Variants in SLC9A9 observed in about 807,000 individuals in gnomAD.
The protein encoded by SLC9A9 is sodium/hydrogen exchanger 9.
Under a neutral mutation model 77.8 loss-of-function variants are expected in SLC9A9, and 62 were observed. That is an observed-to-expected ratio of 0.80 (90% CI 0.65 to 0.98). SLC9A9 has a LOEUF of 0.98. Among genes scored for constraint, SLC9A9 ranks in the 50% least tolerant of loss-of-function variants. The pLI is 0.00. For synonymous variants in SLC9A9, 320 were observed against 283.5 expected, an observed-to-expected ratio of 1.13 and a Z score of -1.29; for missense variants, 775 against 774.9, an observed-to-expected ratio of 1.00 and a Z score of 0.00.
intron 9 of SLC9A9, among the ~76,000 whole-genome samples, chr3:143,543,426 G>T (rs567504158): frequency 1.3e-5 from 2 of 150,804 alleles, no homozygotes; most frequent in African/African-American, 2.4e-5. Context: ...AGGACTACAC[G>T]TGTACTTTTG....
intron 12 of SLC9A9, among the ~76,000 whole-genome samples, chr3:143,416,807 GTA>G (rs768278753): frequency 1.8e-4 from 28 of 152,198 alleles, no homozygotes; most frequent in Admixed American, 6.5e-4. Context: ...GTGTATATCT[GTA>G]TATATGTGTA....
intron 9 of SLC9A9, among the ~76,000 whole-genome samples, chr3:143,530,293 T>G (rs2036481928): frequency 6.6e-6 from 1 of 152,166 alleles, no homozygotes; most frequent in South Asian, 2.1e-4. Context: ...CGGTGAGAGA[T>G]AATTGAATCA....
intron 6 of SLC9A9, among the ~76,000 whole-genome samples, chr3:143,628,514 G>A (rs1035762313): frequency 2.0e-5 from 3 of 152,050 alleles, no homozygotes; most frequent in African/African-American, 4.8e-5. Context: ...AATGAGTGTC[G>A]CTAAACACTC....
chr3:143,328,452 G>A (rs2031667121), intron 14 of SLC9A9, among the ~76,000 whole-genome samples: 1 of 152,206 alleles, frequency 6.6e-6, no homozygotes, highest in Admixed American at 6.5e-5. Flanking sequence ...ACCATAAAGA[G>A]GCATGTAAAC....
At chr3:143,547,162 C>T (rs758109526) in intron 9 of SLC9A9, among the ~76,000 whole-genome samples, 3 of 152,192 alleles carry the variant, frequency 2.0e-5, no homozygotes, top group Non-Finnish European at 4.4e-5. Flanking sequence ...GATTTCTTAA[C>T]ATTGGAGTAC....
At chr3:143,518,264 AG>A in intron 9 of SLC9A9, 1 of 1,513,952 alleles carries the variant, frequency 6.6e-7, no homozygotes, top group Non-Finnish European at 9.1e-7. Flanking sequence ...CAGGGGCTGC[AG>A]CCCGGTTCCA....
At chr3:143,523,029 T>G (rs12489418) in intron 9 of SLC9A9, among the ~76,000 whole-genome samples, 19,637 of 152,042 alleles carry the variant, frequency 0.13, 1,556 homozygotes, top group South Asian at 0.32. Flanking sequence ...TATTTTCATA[T>G]GGGGACTATA....
chr3:143,298,485 G>A (rs1486712445), intron 14 of SLC9A9, among the ~76,000 whole-genome samples: 2 of 152,192 alleles, frequency 1.3e-5, no homozygotes, highest in African/African-American at 4.8e-5. Context: ...TCTGAGGTGT[G>A]GCAAATACAT....
intron 1 of SLC9A9, among the ~76,000 whole-genome samples, chr3:143,846,483 T>C (rs1469820867): frequency 2.0e-5 from 3 of 152,192 alleles, no homozygotes; most frequent in Admixed American, 1.3e-4. Context: ...TCCCCTCCTT[T>C]TTGTTTGGCT....
At chr3:143,774,737 A>G (rs2007636638) in intron 4 of SLC9A9, among the ~76,000 whole-genome samples, 1 of 152,174 alleles carries the variant, frequency 6.6e-6, no homozygotes, top group African/African-American at 2.4e-5. Flanking sequence ...AAAAAGTTTT[A>G]TATTATACAT....
intron 1 of SLC9A9, among the ~76,000 whole-genome samples, chr3:143,842,102 C>T (rs927846745): frequency 3.3e-5 from 5 of 150,416 alleles, no homozygotes; most frequent in Non-Finnish European, 5.9e-5. Flanking sequence ...GAGTGCAGGC[C>T]GGGCGCGGTG....
At chr3:143,525,324 T>C (rs148156742) in intron 9 of SLC9A9, among the ~76,000 whole-genome samples, 1 of 152,342 alleles carries the variant, frequency 6.6e-6, no homozygotes, top group Non-Finnish European at 1.5e-5. Context: ...ATTGATTATA[T>C]GCCAAATGAT....
chr3:143,527,782 C>G lies in SLC9A9; in HGVS notation c.1089+24580G>C, dbSNP rs554500276. On this transcript the variant is annotated intron_variant, in intron 9 of 15. Transcript: ENST00000316549. ...CCCTCAGTGCCTCAGCAGTGGGGCACAACCAAAGGGCTATGAGGACCACAG... is the reference window on the plus strand; with the variant it reads ...CCCTCAGTGCCTCAGCAGTGGGGCAGAACCAAAGGGCTATGAGGACCACAG... Among the ~76,000 whole-genome samples the G allele has an allele frequency of 1.4e-4, 22 of 152,248 alleles. 1 individual carries two copies. Among genetic ancestry groups the G allele is most frequent in the African/African-American group, 5.1e-4 (21 of 41,538 alleles).
intron 4 of SLC9A9, among the ~76,000 whole-genome samples, chr3:143,789,171 A>G (rs925470822): frequency 1.3e-5 from 2 of 152,180 alleles, no homozygotes; most frequent in African/African-American, 4.8e-5. Flanking sequence ...TATTGTTATT[A>G]CCTCACAGTA....
At chr3:143,613,873 A>G (rs1449277340) in intron 6 of SLC9A9, among the ~76,000 whole-genome samples, 1 of 152,162 alleles carries the variant, frequency 6.6e-6, no homozygotes, top group East Asian at 1.9e-4. Context: ...TTTCATATGA[A>G]ATTAAAATAA....
At chr3:143,551,711 G>A (rs979808862) in intron 9 of SLC9A9, among the ~76,000 whole-genome samples, 1 of 152,192 alleles carries the variant, frequency 6.6e-6, no homozygotes, top group African/African-American at 2.4e-5. Flanking sequence ...TTATAAAATT[G>A]TGGCAAGTTG....
chr3:143,329,219 A>G (rs1196544964), intron 14 of SLC9A9, among the ~76,000 whole-genome samples: 2 of 152,156 alleles, frequency 1.3e-5, no homozygotes, highest in African/African-American at 4.8e-5. Context: ...AGCTCTAGCA[A>G]TGTTTTTTGT....
chr3:143,643,336 T>A (rs2038652880), intron 6 of SLC9A9, among the ~76,000 whole-genome samples: 1 of 152,246 alleles, frequency 6.6e-6, no homozygotes, highest in Admixed American at 6.5e-5. Flanking sequence ...TCCAGATAGA[T>A]GGCAAGTTTC....
intron 9 of SLC9A9, among the ~76,000 whole-genome samples, chr3:143,542,054 G>C (rs1296309408): frequency 1.3e-5 from 2 of 152,204 alleles, no homozygotes; most frequent in African/African-American, 2.4e-5. Flanking sequence ...TGGAGTAAAG[G>C]CTTCTCAAGT....
Sources: gnomAD v4.1 joint callset for allele counts (sites outside exome capture counted in the v4.1 genomes callset) on GRCh38, gnomAD v4.1.1 for gene constraint, MANE v1.5 for transcripts, NCBI Gene and HGNC (gene_info 2026-07-23, HGNC 2026-07-21) for gene names.